STK33: variants seen among roughly 807,000 people sequenced by gnomAD.
The protein encoded by STK33 is serine/threonine-protein kinase 33.
A neutral mutation model predicts 58.0 loss-of-function variants in STK33; 52 were observed. The ratio of observed to expected loss-of-function variants is 0.90; its 90% confidence interval spans 0.72 to 1.13. The LOEUF is 1.13. Ranked by LOEUF, STK33 falls within the 50% of genes most tolerant of loss-of-function variation. The pLI is 0.00. For missense variants in STK33, 630 were observed against 604.2 expected (o/e 1.04, Z -0.45); for synonymous variants, 215 against 200.1 (o/e 1.07, Z -0.63).
chr11:8,584,970 T>C (rs2031232907), intron 1 of STK33, among the ~76,000 whole-genome samples: 1 of 151,070 alleles, frequency 6.6e-6, no homozygotes, highest in Admixed American at 6.6e-5. Flanking sequence ...TCCCCCAGGC[T>C]GGAGTGCAGT....
chr11:8,572,525 T>G (rs1447525998), intron 1 of STK33, among the ~76,000 whole-genome samples: 1 of 152,216 alleles, frequency 6.6e-6, no homozygotes, highest in African/African-American at 2.4e-5. Context: ...ATGTTCTACA[T>G]GTCTAACAGG....
intron 1 of STK33, among the ~76,000 whole-genome samples, chr11:8,557,614 A>C (rs1956855433): frequency 6.6e-6 from 1 of 152,144 alleles, no homozygotes; most frequent in South Asian, 2.1e-4. Context: ...AAGCATTATA[A>C]GTCAGATGTA....
chr11:8,404,804 A>C (rs1429968677), intron 15 of STK33, among the ~76,000 whole-genome samples: 1 of 152,252 alleles, frequency 6.6e-6, no homozygotes, highest in Non-Finnish European at 1.5e-5. Flanking sequence ...CTTTTTGTGA[A>C]CTTGGGATTG....
intron 1 of STK33, among the ~76,000 whole-genome samples, chr11:8,551,683 C>T (rs764875148): frequency 3.9e-5 from 6 of 152,082 alleles, no homozygotes; most frequent in Non-Finnish European, 7.4e-5. Context: ...TCCCATTCTG[C>T]GCAGAACTTG....
At chr11:8,364,740 T>C in the STK33 span, among the ~76,000 whole-genome samples, 1 of 152,360 alleles carries the variant, frequency 6.6e-6, no homozygotes, top group South Asian at 2.1e-4. Flanking sequence ...CTCATTGCTG[T>C]GTACTACTTC....
intron 15 of STK33, among the ~76,000 whole-genome samples, chr11:8,394,952 C>T (rs34922792): frequency 0.22 from 34,128 of 151,970 alleles, 4,164 homozygotes; most frequent in South Asian, 0.36. Flanking sequence ...CTCCTTACCC[C>T]CTAGTTAACT....
intron 1 of STK33, among the ~76,000 whole-genome samples, chr11:8,593,294 A>G (rs942203134): frequency 2.0e-5 from 3 of 152,214 alleles, no homozygotes; most frequent in African/African-American, 7.2e-5. Context: ...CTTTCAAGGC[A>G]GGACTATCCT....
At chr11:8,370,134 G>T in the STK33 span, among the ~76,000 whole-genome samples, 1 of 152,202 alleles carries the variant, frequency 6.6e-6, no homozygotes, top group African/African-American at 2.4e-5. Context: ...GCTTTGGGAG[G>T]ATTGCGGTAG....
chr11:8,409,842 A>T (rs547844351), intron 15 of STK33, among the ~76,000 whole-genome samples: 1 of 152,154 alleles, frequency 6.6e-6, no homozygotes, highest in East Asian at 1.9e-4. Context: ...GCATGATTTC[A>T]CCTAGCACTT....
At chr11:8,540,939 C>T (rs1452704725) in intron 1 of STK33, among the ~76,000 whole-genome samples, 1 of 151,112 alleles carries the variant, frequency 6.6e-6, no homozygotes, top group Non-Finnish European at 1.5e-5. Flanking sequence ...ATATGTGAAT[C>T]GGCTTCACTA....
chr11:8,495,505 GT>G (rs769590008), intron 1 of STK33, among the ~76,000 whole-genome samples: 64 of 152,304 alleles, frequency 4.2e-4, no homozygotes, highest in Admixed American at 7.2e-4. Flanking sequence ...TGGTGGGAGT[GT>G]AAACTAGTTC....
intron 1 of STK33, among the ~76,000 whole-genome samples, chr11:8,484,575 G>A (rs1950073146): frequency 6.6e-6 from 1 of 152,190 alleles, no homozygotes; most frequent in African/African-American, 2.4e-5. Flanking sequence ...AAGGCACTCA[G>A]ATACCACATT....
At chr11:8,493,320 T>C (rs1258820102) in intron 1 of STK33, among the ~76,000 whole-genome samples, 1 of 151,198 alleles carries the variant, frequency 6.6e-6, no homozygotes. Context: ...TGTAAACATC[T>C]CTATGCAAAT....
At chr11:8,416,418 C>A (rs928416580) in intron 14 of STK33, among the ~76,000 whole-genome samples, 18 of 148,464 alleles carry the variant, frequency 1.2e-4, no homozygotes, top group African/African-American at 4.7e-4. Flanking sequence ...TGAACATCAG[C>A]TTTACTTTTG....
chr11:8,482,494 AT>A (rs1451935344), intron 1 of STK33, among the ~76,000 whole-genome samples: 4 of 152,210 alleles, frequency 2.6e-5, no homozygotes, highest in Non-Finnish European at 5.9e-5. Flanking sequence ...TTATGAAGGC[AT>A]AGGTTTCACT....
At chr11:8,444,973 C>G (rs1188283408) in intron 11 of STK33, among the ~76,000 whole-genome samples, 1 of 152,186 alleles carries the variant, frequency 6.6e-6, no homozygotes, top group African/African-American at 2.4e-5. Flanking sequence ...CTATAAATTA[C>G]TTTGGACACT....
chr11:8,425,838 G>A (rs568829996), intron 14 of STK33, among the ~76,000 whole-genome samples: 1 of 142,478 alleles, frequency 7.0e-6, no homozygotes, highest in Non-Finnish European at 1.6e-5. Context: ...GGCATGCAGT[G>A]GGGGGTGTGG....
At chr11:8,447,839 G>A (rs1945709173) in intron 11 of STK33, among the ~76,000 whole-genome samples, 1 of 152,194 alleles carries the variant, frequency 6.6e-6, no homozygotes, top group Admixed American at 6.5e-5. Context: ...AAAAGAGGAA[G>A]TCAAATTGTC....
chr11:8,395,962 A>G (rs546220709), intron 15 of STK33, among the ~76,000 whole-genome samples: 1 of 152,356 alleles, frequency 6.6e-6, no homozygotes, highest in African/African-American at 2.4e-5. Context: ...GTTTTAATAC[A>G]TGTTAAAACT....
Sources: gnomAD v4.1 joint callset for allele counts (sites outside exome capture counted in the v4.1 genomes callset) on GRCh38, gnomAD v4.1.1 for gene constraint, MANE v1.5 for transcripts, NCBI Gene and HGNC (gene_info 2026-07-23, HGNC 2026-07-21) for gene names.